The following NR3C2 variants were observed in gnomAD, a reference collection of about 807,000 sequenced individuals.
The protein encoded by NR3C2 is mineralocorticoid receptor.
In NR3C2, 15 loss-of-function variants were observed where a neutral mutation model predicts 86.4. The observed-to-expected ratio is 0.17, with a 90% confidence interval of 0.12 to 0.27. NR3C2 has a LOEUF of 0.27. Ranked by LOEUF, NR3C2 falls within the 10% of genes least tolerant of loss-of-function variation. The probability of loss-of-function intolerance (pLI) is 1.00; values close to 1 mark genes in which losing one functional copy is unlikely to be tolerated. For synonymous variants in NR3C2, 458 were observed against 450.5 expected (o/e 1.02, Z -0.21); for missense variants, 960 against 1,195.6 (o/e 0.80, Z 2.91).
intron 8 of NR3C2, among the ~76,000 whole-genome samples, chr4:148,099,350 A>G (rs1397715163): frequency 6.6e-6 from 1 of 152,132 alleles, no homozygotes; most frequent in Non-Finnish European, 1.5e-5. Context: ...CACCTAACCT[A>G]TCAGCAATGG....
intron 4 of NR3C2, among the ~76,000 whole-genome samples, chr4:148,184,330 G>A (rs1247535022): frequency 2.6e-5 from 4 of 151,520 alleles, no homozygotes; most frequent in African/African-American, 9.7e-5. Context: ...GTAGTGGCGG[G>A]CACCTGTAAT....
intron 7 of NR3C2, among the ~76,000 whole-genome samples, chr4:148,115,128 T>A (rs1343206999): frequency 5.3e-5 from 8 of 152,220 alleles, no homozygotes; most frequent in Non-Finnish European, 1.2e-4. Context: ...GTATCTTTGA[T>A]AAGGTAGAAA....
intron 4 of NR3C2, among the ~76,000 whole-genome samples, chr4:148,177,431 A>C (rs1735428379): frequency 6.6e-6 from 1 of 152,218 alleles, no homozygotes; most frequent in South Asian, 2.1e-4. Flanking sequence ...TCTAGAGCTG[A>C]GAACAGAGGA....
At chr4:148,156,009 G>T (rs1420428328) in intron 4 of NR3C2, among the ~76,000 whole-genome samples, 1 of 152,106 alleles carries the variant, frequency 6.6e-6, no homozygotes, top group Admixed American at 6.6e-5. Flanking sequence ...CAAGCAATGG[G>T]GAAAGGATTC....
chr4:148,098,880 C>T (rs746041551), intron 8 of NR3C2, among the ~76,000 whole-genome samples: 2 of 152,170 alleles, frequency 1.3e-5, no homozygotes, highest in Non-Finnish European at 2.9e-5. Flanking sequence ...TTCTCTATTG[C>T]TTAAGAGTGT....
At chr4:148,130,327 C>G (rs967078040) in intron 6 of NR3C2, among the ~76,000 whole-genome samples, 1 of 152,224 alleles carries the variant, frequency 6.6e-6, no homozygotes. Flanking sequence ...CTTCCCAACT[C>G]TTCCACCTAT....
At chr4:148,172,645 G>C (rs962891759) in intron 4 of NR3C2, among the ~76,000 whole-genome samples, 3 of 152,186 alleles carry the variant, frequency 2.0e-5, no homozygotes, top group Non-Finnish European at 4.4e-5. Context: ...AACAGGCAAG[G>C]TTTAATGGCA....
intron 3 of NR3C2, among the ~76,000 whole-genome samples, chr4:148,229,052 A>T (rs1054528428): frequency 6.6e-6 from 1 of 152,214 alleles, no homozygotes; most frequent in Non-Finnish European, 1.5e-5. Flanking sequence ...CAACTGAGCA[A>T]AGACACAAGG....
At chr4:148,392,929 T>TTA (rs971036550) in intron 2 of NR3C2, among the ~76,000 whole-genome samples, 34 of 152,094 alleles carry the variant, frequency 2.2e-4, no homozygotes, top group African/African-American at 6.0e-4. Flanking sequence ...TCTTCCATTT[T>TTA]TATATATATA....
At chr4:148,199,366 C>T (rs1028443110) in intron 3 of NR3C2, among the ~76,000 whole-genome samples, 3 of 152,166 alleles carry the variant, frequency 2.0e-5, no homozygotes, top group Non-Finnish European at 2.9e-5. Context: ...GTCCTATCTG[C>T]AACTCAGCTA....
At chr4:148,426,048 T>A (rs934695512) in intron 2 of NR3C2, among the ~76,000 whole-genome samples, 1 of 152,158 alleles carries the variant, frequency 6.6e-6, no homozygotes, top group South Asian at 2.1e-4. Context: ...ACAAGTCCAT[T>A]GCCCTCTTCA....
chr4:148,326,442 A>G (rs966879499), intron 2 of NR3C2, among the ~76,000 whole-genome samples: 2 of 151,802 alleles, frequency 1.3e-5, no homozygotes, highest in African/African-American at 4.8e-5. Context: ...TAAAAAATAA[A>G]TATTTTTGAA....
intron 2 of NR3C2, among the ~76,000 whole-genome samples, chr4:148,395,861 G>C (rs1747831364): frequency 1.3e-5 from 2 of 152,184 alleles, no homozygotes; most frequent in Non-Finnish European, 2.9e-5. Context: ...ATTCATTCAA[G>C]TAAAATGATT....
At chr4:148,245,420 G>C (rs532213537) in intron 3 of NR3C2, among the ~76,000 whole-genome samples, 1 of 152,290 alleles carries the variant, frequency 6.6e-6, no homozygotes, top group Admixed American at 6.5e-5. Context: ...GCAATTCCTA[G>C]CTCTGTCCTT....
intron 8 of NR3C2, among the ~76,000 whole-genome samples, chr4:148,096,768 T>C (rs765558047): frequency 3.3e-5 from 5 of 152,336 alleles, no homozygotes; most frequent in Middle Eastern, 6.8e-3. Context: ...GCCACACTCA[T>C]TCATTCATTC....
At chr4:148,111,264 A>G (rs568869784) in intron 8 of NR3C2, among the ~76,000 whole-genome samples, 2 of 152,364 alleles carry the variant, frequency 1.3e-5, no homozygotes, top group South Asian at 4.1e-4. Flanking sequence ...GTAAGTGAAA[A>G]CCACAGTAAG....
At chr4:148,211,771 G>A (rs1399168640) in intron 3 of NR3C2, among the ~76,000 whole-genome samples, 14 of 152,108 alleles carry the variant, frequency 9.2e-5, no homozygotes, top group Non-Finnish European at 1.8e-4. Flanking sequence ...TCAAAACAAG[G>A]TGGATGGCAT....
At chr4:148,263,246 C>T (rs569257126) in intron 2 of NR3C2, among the ~76,000 whole-genome samples, 3 of 152,318 alleles carry the variant, frequency 2.0e-5, no homozygotes, top group East Asian at 3.9e-4. Flanking sequence ...TTGAGCATAT[C>T]ATGCTCAAAA....
intron 2 of NR3C2, among the ~76,000 whole-genome samples, chr4:148,324,581 A>G (rs1321537797): frequency 6.6e-6 from 1 of 152,150 alleles, no homozygotes; most frequent in Non-Finnish European, 1.5e-5. Flanking sequence ...GTTATAAGAT[A>G]AATAAGTTCC....
Sources: allele counts gnomAD v4.1 joint callset (sites outside exome capture counted in the v4.1 genomes callset), GRCh38; gene constraint gnomAD v4.1.1; transcripts MANE v1.5; gene names NCBI Gene and HGNC (gene_info 2026-07-23, HGNC 2026-07-21).